RPH3AL: variants seen among roughly 807,000 people sequenced by gnomAD.
RPH3AL encodes rab effector Noc2.
RPH3AL carries 38 observed loss-of-function variants against 43.1 expected under a neutral mutation model. The observed-to-expected ratio is 0.88, with a 90% CI of 0.68 to 1.15. The LOEUF (loss-of-function observed/expected upper bound fraction) is 1.15, where lower values mean the gene tolerates loss of function less well. RPH3AL is among the 50% of genes most tolerant of loss of function. The probability of loss-of-function intolerance (pLI) is 0.00; values close to 1 mark genes in which losing one functional copy is unlikely to be tolerated. For missense variants in RPH3AL, 462 were observed against 423.2 expected, an observed-to-expected ratio of 1.09 and a Z score of -0.81; for synonymous variants, 189 against 176.3, an observed-to-expected ratio of 1.07 and a Z score of -0.57.
chr17:226,502 T>TAA (rs977073621), intron 7 of RPH3AL, among the ~76,000 whole-genome samples: 2 of 152,278 alleles, frequency 1.3e-5, no homozygotes, highest in African/African-American at 4.8e-5. Flanking sequence ...TCCACTCTAA[T>TAA]AAACACCACT....
Position 286,913 on chromosome 17 carries a change from T to TCTCTCTCCACCATCAGACCTCGCACC in RPH3AL, c.352-5060_352-5059insGGTGCGAGGTCTGATGGTGGAGAGAG, listed in dbSNP as rs1555557623. 1.1e-4 allele frequency among the ~76,000 whole-genome samples: 10 copies of TCTCTCTCCACCATCAGACCTCGCACC among 92,294 alleles called. 1 individual carries two copies. The highest frequency in any genetic ancestry group is 2.8e-4 in the East Asian group (1 of 3,512). The allele number at this position is 92,294 out of a possible 152,430, so 60.5% of individuals were successfully genotyped here. The stretch of plus-strand genomic sequence containing the variant: ...CTCCAGGCTTTCAGACCTCGCACCC[T>TCTCTCTCCACCATCAGACCTCGCACC]CTCTCTCCACCGTCAGACCTCGCAC... On this transcript the variant is annotated intron_variant, in intron 5 of 9. Transcript: ENST00000331302.
rs1555519368 is a variant in RPH3AL at position 315,040 on chromosome 17, GTACTCCACCTCCAC to G, written c.351+4366_351+4379del. 9.5e-3 allele frequency among the ~76,000 whole-genome samples: 1,403 copies of G among 147,690 alleles called. 29 individuals are homozygous for G. Among genetic ancestry groups the G allele is most frequent in the South Asian group, 0.014 (66 of 4,654 alleles). ...CCACCTCCATTGACCTGTAGTCCCT[GTACTCCACCTCCAC>G]TGAACTGTAGTCCCTGTGCTCCACC... is the stretch of plus-strand genomic sequence containing the variant. On this transcript the variant is annotated intron_variant, in intron 5 of 9. Coordinates refer to ENST00000331302, the MANE Select transcript of RPH3AL (RefSeq NM_006987.4).
At chr17:249,238 C>A (rs782498009) in intron 6 of RPH3AL, among the ~76,000 whole-genome samples, 2 of 152,144 alleles carry the variant, frequency 1.3e-5, no homozygotes, top group Non-Finnish European at 2.9e-5. Context: ...TGACATGACC[C>A]TTCTCAGAGA....
In RPH3AL at chr17:289,856, G is replaced by A. The variant is rs1296950756; in HGVS notation, c.352-8002C>T. On this transcript the variant is annotated intron_variant, in intron 5 of 9. Transcript: ENST00000331302. The surrounding 1 kb of genome is among the most constrained non-coding windows in gnomAD (Gnocchi z 5.2). ...CACCACATCTTCAAGGAAGACTTCC[G>A]CAACACTCCTTCCACAATGAGAGCC... 6.6e-6 allele frequency among the ~76,000 whole-genome samples: 1 copy of A among 152,110 alleles called. No individual in the cohort carries two copies. The highest frequency in any genetic ancestry group is 1.5e-5 in the Non-Finnish European group (1 of 68,018).
intron 2 of RPH3AL, chr17:331,241 G>A (rs115551727): frequency 0.014 from 579 of 42,692 alleles, 3 homozygotes; most frequent in African/African-American, 0.049. Context: ...TGTAGCTTCA[G>A]GGCAGAAGAG....
chr17:284,371 CCCTGGTGCCAG>C (rs1345366450), intron 5 of RPH3AL, among the ~76,000 whole-genome samples: 6 of 152,208 alleles, frequency 3.9e-5, no homozygotes, highest in African/African-American at 1.4e-4. Context: ...CCCTCCCCTG[CCCTGGTGCCAG>C]GCTGGTGCGC....
At chr17:351,221 T>C (rs564932547) in intron 1 of RPH3AL, among the ~76,000 whole-genome samples, 35 of 152,280 alleles carry the variant, frequency 2.3e-4, no homozygotes, top group African/African-American at 7.9e-4. Context: ...GGCCCTAGTT[T>C]GGCTTCTTAA....
At chr17:326,404 T>C (rs1357643882) in intron 3 of RPH3AL, among the ~76,000 whole-genome samples, 1 of 152,100 alleles carries the variant, frequency 6.6e-6, no homozygotes, top group Non-Finnish European at 1.5e-5. Context: ...TTGGCATGGG[T>C]TGAAGGATGA....
chr17:305,464 C>A (rs114522967), intron 5 of RPH3AL, among the ~76,000 whole-genome samples: 21 of 152,096 alleles, frequency 1.4e-4, no homozygotes. Context: ...TAGCCCCTGA[C>A]GTCCCACCAG....
intron 6 of RPH3AL, among the ~76,000 whole-genome samples, chr17:272,440 T>A (rs907087279): frequency 6.6e-6 from 1 of 151,096 alleles, no homozygotes; most frequent in African/African-American, 2.4e-5. Flanking sequence ...AAAGGATGAG[T>A]TCATGTCCTT....
intron 5 of RPH3AL, among the ~76,000 whole-genome samples, chr17:302,160 G>A (rs72806047): frequency 3.9e-5 from 6 of 152,354 alleles, no homozygotes; most frequent in South Asian, 2.1e-4. Flanking sequence ...CGGCATCTGC[G>A]GACTGCGAGG....
At chr17:317,732 T>C (rs897852771) in intron 5 of RPH3AL, among the ~76,000 whole-genome samples, 3 of 152,260 alleles carry the variant, frequency 2.0e-5, no homozygotes, top group Non-Finnish European at 4.4e-5. Flanking sequence ...AAGTCCTGGC[T>C]TTCCTGCTTA....
At chr17:232,836 G>A (rs1336124393) in intron 7 of RPH3AL, among the ~76,000 whole-genome samples, 8 of 11,358 alleles carry the variant, frequency 7.0e-4, no homozygotes, top group Non-Finnish European at 1.3e-3. Context: ...CGGCGTGTGT[G>A]TGTGTGTGTG....
intron 3 of RPH3AL, among the ~76,000 whole-genome samples, chr17:326,120 C>G (rs1379770123): frequency 6.6e-6 from 1 of 152,256 alleles, no homozygotes; most frequent in Non-Finnish European, 1.5e-5. Flanking sequence ...CGGGAGGACA[C>G]TTCATCTGCC....
Position 225,972 on chromosome 17 carries a change from T to A in RPH3AL, c.614-6236A>T, listed in dbSNP as rs1297827394. The stretch of plus-strand genomic sequence containing the variant: ...ATCACACATGGTCACAGAGTTGGGC[T>A]GGGAGCAGGCGAAAACGGCAAGACA... On this transcript the variant is annotated intron_variant, in intron 7 of 9. Transcript: ENST00000331302. The surrounding 1 kb of genome is among the most constrained non-coding windows in gnomAD (Gnocchi z 4.4). Among the ~76,000 whole-genome samples the A allele has an allele frequency of 1.3e-5, 2 of 152,230 alleles. No homozygotes were observed. The highest frequency in any genetic ancestry group is 2.9e-5 in the Non-Finnish European group (2 of 68,032).
chr17:350,637 G>A (rs1283557507), intron 1 of RPH3AL, among the ~76,000 whole-genome samples: 1 of 152,130 alleles, frequency 6.6e-6, no homozygotes. Context: ...TCCAAACACA[G>A]TATCTGGTAC....
At position 235,511 on chromosome 17, in the gene RPH3AL, G is replaced by T. The variant is rs1291076318; in HGVS notation, c.613+11600C>A. Among the ~76,000 whole-genome samples the T allele has an allele frequency of 1.4e-3, 207 of 142,838 alleles. 9 individuals are homozygous for T. The highest frequency in any genetic ancestry group is 1.8e-3 in the Non-Finnish European group (118 of 64,264). 93.7% of individuals were successfully genotyped at this position (142,838 alleles called of 152,430 possible). On this transcript the variant is annotated intron_variant, in intron 7 of 9. Transcript: ENST00000331302. ...TAACAAGACGGATCCAGGGTTCAAA[G>T]CTGGGGTCGGCGGAGGCTCCACACT...
intron 5 of RPH3AL, among the ~76,000 whole-genome samples, chr17:315,903 A>ATTGACCTGTAGTCCCTGTGACTCCG (rs2044115165): frequency 9.9e-6 from 1 of 100,874 alleles, no homozygotes; most frequent in African/African-American, 3.7e-5. Flanking sequence ...CTGTGACTCC[A>ATTGACCTGTAGTCCCTGTGACTCCG]CCTCCACTGA....
At chr17:339,101 G>A (rs531850310) in intron 1 of RPH3AL, 15 of 152,384 alleles carry the variant, frequency 9.8e-5, no homozygotes, top group African/African-American at 2.9e-4. Flanking sequence ...GGCTGACCTC[G>A]CCTGCTATCT....
Sources: allele counts gnomAD v4.1 joint callset (sites outside exome capture counted in the v4.1 genomes callset), GRCh38; gene constraint gnomAD v4.1.1; non-coding constraint Gnocchi (gnomAD v3.1); transcripts MANE v1.5; gene names NCBI Gene and HGNC (gene_info 2026-07-23, HGNC 2026-07-21).